Variants in RACGAP1 observed in about 807,000 individuals in gnomAD.
RACGAP1 encodes rac GTPase-activating protein 1.
A neutral mutation model predicts 78.1 loss-of-function variants in RACGAP1; 30 were observed. That is an observed-to-expected ratio of 0.38 (90% CI 0.29 to 0.52). The LOEUF (loss-of-function observed/expected upper bound fraction) is 0.52, where lower values mean the gene tolerates loss of function less well. Ranked by LOEUF, RACGAP1 falls within the 20% of genes least tolerant of loss-of-function variation. The pLI is 0.82. For missense variants in RACGAP1, 587 were observed against 777.1 expected (o/e 0.76, Z 2.91); for synonymous variants, 231 against 264.8 (o/e 0.87, Z 1.24).
In RACGAP1 at chr12:49,992,328, CTT is replaced by C. The variant is rs1565656362; in HGVS notation, c.1493_1494del (p.Lys498SerfsTer31). On this transcript the variant is annotated frameshift_variant, in exon 14 of 17. Coordinates refer to ENST00000312377, the MANE Select transcript of RACGAP1 (RefSeq NM_001319999.2). LOFTEE classifies it high-confidence loss of function. ...TGGGCCACTATTGTAGGGCCAAAGA[CTT>C]TAGCCAGATTGGCAACATCCATTTT... The part of the protein sequence containing the change: ...HTKMDVANLA[K>X]VFGPTIVAHA... 2 of 1,614,178 alleles carry C rather than the reference CTT, an allele frequency of 1.2e-6. No individual in the cohort carries two copies. Among genetic ancestry groups the C allele is most frequent in the Non-Finnish European group, 1.7e-6 (2 of 1,180,012 alleles).
chr12:49,991,952 C>A, intron 15 of RACGAP1, 46 bp downstream of exon 15: 1 of 1,605,210 alleles, frequency 6.2e-7, no homozygotes, highest in African/African-American at 1.3e-5. Context: ...ATGACTAAAA[C>A]TAAAGAGAGA....
chr12:50,011,908 C>A (rs1402647399), intron 2 of RACGAP1, among the ~76,000 whole-genome samples: 2 of 138,736 alleles, frequency 1.4e-5, no homozygotes, highest in Admixed American at 7.9e-5. Flanking sequence ...GAGCCGAGAT[C>A]GTGCCACTGT....
intron 2 of RACGAP1, among the ~76,000 whole-genome samples, chr12:50,030,652 G>A (rs1453138994): frequency 2.0e-5 from 3 of 152,062 alleles, no homozygotes; most frequent in African/African-American, 7.2e-5. Flanking sequence ...TTGCGCCACT[G>A]CACTCCAGAC....
chr12:49,995,787 A>G (rs56099252), intron 10 of RACGAP1, among the ~76,000 whole-genome samples: 24,910 of 152,096 alleles, frequency 0.16, 3,463 homozygotes, highest in African/African-American at 0.38. Flanking sequence ...GAGCTACCAC[A>G]CTCAGCAATA....
intron 1 of RACGAP1, chr12:50,025,185 G>T: frequency 1.8e-6 from 1 of 545,802 alleles, no homozygotes; most frequent in Non-Finnish European, 2.3e-6. Flanking sequence ...CCGGCGCCAA[G>T]ACAGAAGCCC....
rs779817518 is a variant in RACGAP1 at position 50,005,304 on chromosome 12, G to T, written c.377C>A (p.Ala126Asp). Residue 126 changes from alanine (A) to aspartate (D), a missense_variant, in exon 4 of 17, where the codon GCT (alanine) becomes GAT (aspartate). Ala to Asp is a moderately radical substitution (Grantham distance 126). Coordinates refer to ENST00000312377, the MANE Select transcript of RACGAP1 (RefSeq NM_001319999.2). ...QLSEEQKSALAFLNRGQPSSS... is the reference protein window; with the variant it reads ...QLSEEQKSALDFLNRGQPSSS... The stretch of plus-strand genomic sequence containing the variant: ...GGATGGTTGGCCTCTGTTGAGAAAA[G>T]CCAGAGCTGATTTTTGCTCCTCGCT... 1 of 1,614,230 alleles carries T rather than the reference G, an allele frequency of 6.2e-7. No homozygotes were observed. The highest frequency in any genetic ancestry group is 1.7e-5 in the Admixed American group (1 of 60,028).
chr12:50,018,027 GT>G (rs1423824273), intron 1 of RACGAP1, among the ~76,000 whole-genome samples: 20 of 152,028 alleles, frequency 1.3e-4, no homozygotes, highest in Admixed American at 9.8e-4. Flanking sequence ...GCACAGTTAT[GT>G]GTGCCTGTAA....
intron 2 of RACGAP1, among the ~76,000 whole-genome samples, chr12:50,007,381 T>C (rs1408776529): frequency 6.6e-6 from 1 of 152,222 alleles, no homozygotes. Context: ...GATAACCCTG[T>C]TGGCATTCAT....
chr12:50,005,244 C>T lies in RACGAP1; in HGVS notation c.425+12G>A. 1 of 1,613,744 alleles carries T rather than the reference C, an allele frequency of 6.2e-7. No individual in the cohort carries two copies. The highest frequency in any genetic ancestry group is 8.5e-7 in the Non-Finnish European group (1 of 1,179,936). ...GCTTGTGATAGGATAACAACAGATG[C>T]AGTTCCTCCACCTTTTGTTCCCAGC... On this transcript the variant is annotated intron_variant, in intron 4 of 16. Transcript: ENST00000312377.
rs376832817 is a variant in RACGAP1, at chr12:50,004,301, T to C, written c.429A>G (p.Leu143=). Reference sequence around the variant, plus strand: ...TGGAACCAGATTCATCAATGGTTGATAGTCTAGATCAGTGAAACAATACAA... The same window carrying C: ...TGGAACCAGATTCATCAATGGTTGACAGTCTAGATCAGTGAAACAATACAA... ...PSSSNAGNKR[L]STIDESGSIL... Residue 143 remains leucine, a synonymous_variant, in exon 5 of 17, where the codon CTA becomes CTG. Coordinates refer to ENST00000312377, the MANE Select transcript of RACGAP1 (RefSeq NM_001319999.2). 5.6e-6 allele frequency: 9 copies of C among 1,603,918 alleles called. No homozygotes were observed. Among genetic ancestry groups the C allele is most frequent in the African/African-American group, 5.3e-5 (4 of 74,976 alleles).
chr12:49,991,011 C>T (rs1947801700), intron 15 of RACGAP1, among the ~76,000 whole-genome samples: 1 of 152,274 alleles, frequency 6.6e-6, no homozygotes, highest in Non-Finnish European at 1.5e-5. Context: ...CATTCTCTAA[C>T]TCCACACTTC....
intron 7 of RACGAP1, among the ~76,000 whole-genome samples, chr12:50,000,031 T>TTTTTTTTTTTTTA (rs10701508): frequency 6.8e-6 from 1 of 147,416 alleles, no homozygotes; most frequent in African/African-American, 2.5e-5. Flanking sequence ...TTTTTTTTTT[T>TTTTTTTTTTTTTA]GAGACGGAGT....
chr12:49,993,813 G>A (rs548835250), intron 12 of RACGAP1, among the ~76,000 whole-genome samples: 24 of 150,876 alleles, frequency 1.6e-4, no homozygotes, highest in African/African-American at 4.4e-4. Flanking sequence ...TTGGGAGGCC[G>A]AGGCAGGCAA....
At chr12:49,996,554 C>T (rs771474232) in intron 10 of RACGAP1, among the ~76,000 whole-genome samples, 17 of 135,878 alleles carry the variant, frequency 1.3e-4, no homozygotes, top group Non-Finnish European at 1.8e-4. Flanking sequence ...GCAAGAAAAT[C>T]GCTTGAGCCC....
At chr12:50,024,771 T>G (rs1950193992) in intron 1 of RACGAP1, among the ~76,000 whole-genome samples, 1 of 151,360 alleles carries the variant, frequency 6.6e-6, no homozygotes, top group Non-Finnish European at 1.5e-5. Flanking sequence ...CCCGACACAT[T>G]AGAAAGATAA....
chr12:49,991,818 A>C (rs1947900864), intron 15 of RACGAP1, among the ~76,000 whole-genome samples, 180 bp downstream of exon 15: 1 of 151,988 alleles, frequency 6.6e-6, no homozygotes, highest in Non-Finnish European at 1.5e-5. Flanking sequence ...AAAAACATAT[A>C]TCCATATGGA....
At chr12:49,992,220 T>A in intron 14 of RACGAP1, 25 bp downstream of exon 14, 1 of 1,611,592 alleles carries the variant, frequency 6.2e-7, no homozygotes, top group Non-Finnish European at 8.5e-7. Context: ...CAAGTTCACA[T>A]ACACACACAC....
chr12:50,012,440 A>C (rs1949400651), intron 2 of RACGAP1, among the ~76,000 whole-genome samples: 1 of 152,130 alleles, frequency 6.6e-6, no homozygotes, highest in Non-Finnish European at 1.5e-5. Flanking sequence ...ACATGCCTGT[A>C]ATCCCAGCTA....
At chr12:50,021,448 A>C (rs781620918) in intron 1 of RACGAP1, among the ~76,000 whole-genome samples, 1 of 152,210 alleles carries the variant, frequency 6.6e-6, no homozygotes, top group Non-Finnish European at 1.5e-5. Context: ...GCAATCTGGA[A>C]ACACCATGAA....
Sources: gnomAD v4.1 joint callset for allele counts (sites outside exome capture counted in the v4.1 genomes callset) on GRCh38, gnomAD v4.1.1 for gene constraint, MANE v1.5 for transcripts, NCBI Gene and HGNC (gene_info 2026-07-23, HGNC 2026-07-21) for gene names.